Variants in SLC11A1 observed in about 807,000 individuals in gnomAD.
SLC11A1 encodes solute carrier family 11 member 1, also known as natural resistance-associated macrophage protein 1.
Under a neutral mutation model 63.2 loss-of-function variants are expected in SLC11A1, and 59 were observed. The observed-to-expected ratio is 0.93, with a 90% CI of 0.76 to 1.16. The LOEUF (loss-of-function observed/expected upper bound fraction) is 1.16, where lower values mean the gene tolerates loss of function less well. Ranked by LOEUF, SLC11A1 falls within the 50% of genes most tolerant of loss-of-function variation. The pLI is 0.00. For synonymous variants in SLC11A1, 305 were observed against 307.8 expected (o/e 0.99, Z 0.09); for missense variants, 688 against 730.7 (o/e 0.94, Z 0.67).
Position 218,383,065 on chromosome 2 carries a change from AC to A in SLC11A1, c.115del (p.Leu39Ter). 6.2e-7 allele frequency: 1 copy of A among 1,613,968 alleles called. No individual in the cohort carries two copies. Among genetic ancestry groups the A allele is most frequent in the Non-Finnish European group, 8.5e-7 (1 of 1,179,950 alleles). On this transcript the variant is annotated frameshift_variant, in exon 2 of 15. Transcript: ENST00000233202. LOFTEE classifies it high-confidence loss of function. ...GPQQAPPRET[Y>X]LSEKIPIPDT... ...CAGCAAGCACCTCCCAGAGAGACCTACCTGAGTGAGAAGATCCCCATCCCAG... is the reference window on the plus strand; with the variant it reads ...CAGCAAGCACCTCCCAGAGAGACCTACTGAGTGAGAAGATCCCCATCCCAG...
rs761639098 is a variant in SLC11A1 at position 218,394,772 on chromosome 2, T to C, written c.1529T>C (p.Leu510Pro). ...AALLAAAYLG[L>P]STYLVWTCCL... ...TTGCTGGCCGCAGCCTACCTGGGCC[T>C]CAGCACCTACCTGGTACAGTAGGGC... is the stretch of plus-strand genomic sequence containing the variant. Residue 510 changes from leucine to proline, a missense_variant, in exon 14 of 15, where the codon CTC (leucine) becomes CCC (proline). Coordinates refer to ENST00000233202, the MANE Select transcript of SLC11A1 (RefSeq NM_000578.4). 1 of 1,612,626 alleles carries C rather than the reference T, an allele frequency of 6.2e-7. No individual in the cohort carries two copies. The highest frequency in any genetic ancestry group is 1.7e-5 in the Admixed American group (1 of 60,010).
rs113988294 is a variant in SLC11A1 at position 218,395,044 on chromosome 2, C to T, written c.*9C>T. On this transcript the variant is annotated 3_prime_UTR_variant, in exon 15 of 15. Transcript: ENST00000233202. ...GGGAGACCTCTGGCTAGGCCCACAC[C>T]AGGGCCTGGCTGGGAGTGGCATGTA... is the stretch of plus-strand genomic sequence containing the variant. 7 of 1,567,640 alleles carry T rather than the reference C, an allele frequency of 4.5e-6. No individual in the cohort carries two copies. The African/African-American group carries it at 8.1e-5, about 18-fold the overall frequency.
In SLC11A1 at chr2:218,387,154, T is replaced by A; in HGVS notation, c.501-6T>A. On this transcript the variant is annotated splice_polypyrimidine_tract_variant and splice_region_variant and intron_variant, in intron 5 of 14. Coordinates refer to ENST00000233202, the MANE Select transcript of SLC11A1 (RefSeq NM_000578.4). ...GCTGGGCTGACCCGGGCCACTCTGG[T>A]TTCAGAATCCCACTCTGGGGTGGCG... is the stretch of plus-strand genomic sequence containing the variant. 6.2e-7 allele frequency: 1 copy of A among 1,614,168 alleles called. No individual in the cohort carries two copies.
intron 13 of SLC11A1, 134 bp downstream of exon 13, chr2:218,394,327 C>A: frequency 1.1e-6 from 1 of 928,402 alleles, no homozygotes; most frequent in Non-Finnish European, 1.7e-6. Flanking sequence ...AGGGACTTAC[C>A]CAGGTTCACA....
rs749738584 is a variant in SLC11A1 at position 218,387,172 on chromosome 2, G to C, written c.513G>C (p.Trp171Cys). Reference sequence around the variant, plus strand: ...ACTCTGGTTTCAGAATCCCACTCTGGGGTGGCGTCCTCATCACCATCGTGG... The same window carrying C: ...ACTCTGGTTTCAGAATCCCACTCTGCGGTGGCGTCCTCATCACCATCGTGG... ...NLLSAGRIPL[W>C]GGVLITIVDT... is the part of the protein sequence containing the mutation. Residue 171 changes from tryptophan to cysteine, a missense_variant, in exon 6 of 15, where the codon TGG becomes TGC. Physicochemically the swap from Trp to Cys is radical, Grantham distance 215. Transcript: ENST00000233202. 2 of 1,614,200 alleles carry C rather than the reference G, an allele frequency of 1.2e-6. No individual in the cohort carries two copies. Among genetic ancestry groups the C allele is most frequent in the Non-Finnish European group, 1.7e-6 (2 of 1,180,020 alleles).
At chr2:218,387,503 G>A (rs1696167360) in intron 6 of SLC11A1, 62 bp from the exon 7 acceptor site, 3 of 1,551,600 alleles carry the variant, frequency 1.9e-6, no homozygotes, top group South Asian at 1.1e-5. Flanking sequence ...TAGCCATTAC[G>A]AATTGTTGAT....
At chr2:218,385,489 C>T (rs896750871) in intron 4 of SLC11A1, 3 of 580,786 alleles carry the variant, frequency 5.2e-6, no homozygotes, top group Admixed American at 2.2e-5. Context: ...CTCCCAGGTA[C>T]AAGTGATTCT....
intron 2 of SLC11A1, 23 bp downstream of exon 2, chr2:218,383,125 G>A: frequency 6.2e-7 from 1 of 1,611,728 alleles, no homozygotes; most frequent in Non-Finnish European, 8.5e-7. Context: ...AAACTTCCTG[G>A]GGGCTTGCAA....
Position 218,387,908 on chromosome 2 carries a change from G to C in SLC11A1, c.748G>C (p.Ala250Pro). The C allele has an allele frequency of 2.5e-6, 4 of 1,608,696 alleles. No homozygotes were observed. Among genetic ancestry groups the C allele is most frequent in the Non-Finnish European group, 3.4e-6 (4 of 1,177,968 alleles). The change falls in exon 8 of 15, where the codon GCC becomes CCC. Residue 250 changes from alanine (A) to proline (P), a missense_variant. Physicochemically the swap from Ala to Pro is conservative, Grantham distance 27. Transcript: ENST00000233202. ...ELLQAVGIVG[A>P]IIMPHNIYLH... ...GCTGCAGGCGGTGGGCATTGTTGGC[G>C]CCATCATCATGCCCCACAACATCTA...
At chr2:218,394,836 G>A (rs528659051) in intron 14 of SLC11A1, 51 bp downstream of exon 14, 5 of 1,608,476 alleles carry the variant, frequency 3.1e-6, no homozygotes, top group Non-Finnish European at 3.4e-6. Context: ...AAGGACAAGA[G>A]GCAACCAATG....
Position 218,390,042 on chromosome 2 carries a change from T to C in SLC11A1, c.954+14T>C. ...AACCAGGCTGCGGTGAGACACACTT[T>C]CCCCCGCACCTGAGGCCACACACGT... On this transcript the variant is annotated intron_variant, in intron 9 of 14. Transcript: ENST00000233202. 1 of 1,603,520 alleles carries C rather than the reference T, an allele frequency of 6.2e-7. No homozygotes were observed. The highest frequency in any genetic ancestry group is 8.5e-7 in the Non-Finnish European group (1 of 1,174,410).
rs1218059362 is a variant in SLC11A1, at chr2:218,394,103, C to T, written c.1315-17C>T. The T allele has an allele frequency of 6.2e-7, 1 of 1,613,910 alleles. No homozygotes were observed. Among genetic ancestry groups the T allele is most frequent in the Non-Finnish European group, 8.5e-7 (1 of 1,179,850 alleles). On this transcript the variant is annotated splice_polypyrimidine_tract_variant and intron_variant, in intron 12 of 14. Coordinates refer to ENST00000233202, the MANE Select transcript of SLC11A1 (RefSeq NM_000578.4). ...GAGGCAGAATTCCTCAGCCTAGGCT[C>T]CTGCTGCTCTCCCCAGCTCCCGTTC... is the stretch of plus-strand genomic sequence containing the variant.
chr2:218,393,208 G>A, intron 12 of SLC11A1, 78 bp downstream of exon 12: 2 of 1,355,676 alleles, frequency 1.5e-6, no homozygotes, highest in South Asian at 1.6e-5. Flanking sequence ...GCTGAGCCTT[G>A]CATGGGCCTG....
chr2:218,394,172 T>G lies in SLC11A1; in HGVS notation c.1367T>G (p.Met456Arg). The G allele has an allele frequency of 1.9e-6, 3 of 1,614,156 alleles. No homozygotes were observed. Among genetic ancestry groups the G allele is most frequent in the Non-Finnish European group, 2.5e-6 (3 of 1,180,014 alleles). The change falls in exon 13 of 15, where the codon ATG becomes AGG. Residue 456 changes from methionine (M) to arginine (R), a missense_variant. Met to Arg is a moderately conservative substitution (Grantham distance 91). Coordinates refer to ENST00000233202, the MANE Select transcript of SLC11A1 (RefSeq NM_000578.4). Reference protein sequence around the residue: ...ILTFTSMPTLMQEFANGLLNK... With the variant: ...ILTFTSMPTLRQEFANGLLNK... ...ACGTTCACCAGCATGCCCACCCTCA[T>G]GCAGGAGTTTGCCAATGGCCTGTGA... is the stretch of plus-strand genomic sequence containing the variant.
At chr2:218,388,110 C>T (rs1696215057) in intron 8 of SLC11A1, 155 bp downstream of exon 8, 1 of 914,572 alleles carries the variant, frequency 1.1e-6, no homozygotes, top group African/African-American at 1.7e-5. Context: ...TGGCTCACGC[C>T]TGTAATCCCA....
At chr2:218,391,561 A>G (rs1274556512) in intron 11 of SLC11A1, 66 bp downstream of exon 11, 2 of 1,470,556 alleles carry the variant, frequency 1.4e-6, no homozygotes, top group Non-Finnish European at 9.1e-7. Context: ...ACTGGGGGCT[A>G]GAACTCCGAG....
intron 5 of SLC11A1, 77 bp from the exon 6 acceptor site, chr2:218,387,083 G>C: frequency 7.3e-7 from 1 of 1,367,736 alleles, no homozygotes; most frequent in Non-Finnish European, 1.0e-6. Context: ...CCAGATTCCT[G>C]TCTCCAGCCC....
chr2:218,386,198 A>G (rs923952213), intron 4 of SLC11A1, among the ~76,000 whole-genome samples: 2 of 152,222 alleles, frequency 1.3e-5, no homozygotes, highest in Non-Finnish European at 2.9e-5. Context: ...CACGCCTGTA[A>G]TCCCAGCACT....
Position 218,385,265 on chromosome 2 carries a change from AGGTGAGCTTGGGGGGCCTGGACAG to A in SLC11A1, c.393+2_393+25del, listed in dbSNP as rs1416993932. The A allele has an allele frequency of 6.2e-7, 1 of 1,613,898 alleles. No individual in the cohort carries two copies. Among genetic ancestry groups the A allele is most frequent in the South Asian group, 1.1e-5 (1 of 91,078 alleles). On this transcript the variant is annotated splice_donor_variant and splice_donor_5th_base_variant and coding_sequence_variant and intron_variant, in exon 4 of 15. Coordinates refer to ENST00000233202, the MANE Select transcript of SLC11A1 (RefSeq NM_000578.4). LOFTEE classifies it high-confidence loss of function. ...GAGGTCTGCCATCTCTACTACCCTA[AGGTGAGCTTGGGGGGCCTGGACAG>A]GGAGAACCACTGGCCCCAAACCCCA...
Sources: gnomAD v4.1 joint callset for allele counts (sites outside exome capture counted in the v4.1 genomes callset) on GRCh38, gnomAD v4.1.1 for gene constraint, MANE v1.5 for transcripts, NCBI Gene and HGNC (gene_info 2026-07-23, HGNC 2026-07-21) for gene names.